The following ZC3H12B variants were observed in gnomAD, a reference collection of about 807,000 sequenced individuals.
ZC3H12B encodes zinc finger CCCH-type containing 12B.
A neutral mutation model predicts 43.9 loss-of-function variants in ZC3H12B; 7 were observed. The ratio of observed to expected loss-of-function variants is 0.16; its 90% CI spans 0.09 to 0.30. The LOEUF (loss-of-function observed/expected upper bound fraction) is 0.30, where lower values mean the gene tolerates loss of function less well. Among genes scored for constraint, ZC3H12B ranks in the 10% least tolerant of loss-of-function variants. The pLI is 1.00. For missense variants in ZC3H12B, 475 were observed against 670.2 expected (o/e 0.71, Z 3.22); for synonymous variants, 222 against 241.7 (o/e 0.92, Z 0.76).
the ZC3H12B span, among the ~76,000 whole-genome samples, chrX:65,119,981 G>C: frequency 2.7e-5 from 3 of 111,334 alleles, no homozygotes; most frequent in African/African-American, 9.8e-5. Flanking sequence ...ATTTCTGAGG[G>C]CTCTGTTCAG....
the ZC3H12B span, among the ~76,000 whole-genome samples, chrX:65,264,827 G>C: frequency 1.8e-5 from 2 of 111,617 alleles, no homozygotes; most frequent in African/African-American, 6.5e-5. Flanking sequence ...TTGTGATCAG[G>C]TTAGGATCAT....
chrX:65,453,359 C>CATATATATATAT (rs1159840122), intron 3 of ZC3H12B, among the ~76,000 whole-genome samples: 4 of 27,175 alleles, frequency 1.5e-4, no homozygotes, highest in Non-Finnish European at 2.6e-4. Flanking sequence ...AGCTCAAATG[C>CATATATATATAT]ATATATATAT....
chrX:65,154,082 G>A, the ZC3H12B span, among the ~76,000 whole-genome samples: 1 of 110,810 alleles, frequency 9.0e-6, no homozygotes, highest in Non-Finnish European at 1.9e-5. Flanking sequence ...GACTGTTGTG[G>A]GGTGGGAGGA....
chrX:65,063,394 C>T, the ZC3H12B span, among the ~76,000 whole-genome samples: 1 of 111,825 alleles, frequency 8.9e-6, no homozygotes, highest in Non-Finnish European at 1.9e-5. Context: ...TTATTGAAGG[C>T]TGTTTGTGCA....
At chrX:65,103,314 A>G in the ZC3H12B span, among the ~76,000 whole-genome samples, 11 of 112,031 alleles carry the variant, frequency 9.8e-5, no homozygotes, top group Non-Finnish European at 1.9e-4. Context: ...GAAGAGAAAT[A>G]TGGCTCTGTT....
At chrX:65,466,850 C>T (rs1409196542) in intron 3 of ZC3H12B, among the ~76,000 whole-genome samples, 4 of 84,767 alleles carry the variant, frequency 4.7e-5, no homozygotes, top group Admixed American at 2.8e-4. Context: ...ACTTCTTGGG[C>T]ATTTGTATTT....
rs2067806791 is a variant in ZC3H12B, at chrX:65,465,567, C to T, written n.408-23079C>T. Among the ~76,000 whole-genome samples the T allele has an allele frequency of 9.0e-5, 10 of 110,658 alleles. No homozygotes were observed. In the South Asian group the frequency reaches 3.7e-3, roughly 41 times the overall value. On this transcript the variant is annotated intron_variant and non_coding_transcript_variant, in intron 3 of 5. Transcript: ENST00000617377. ...TTTAATTCATTCTTCCAATTTGTGT[C>T]TTTTAATTGGAGAGTTTAATTCATT...
the ZC3H12B span, among the ~76,000 whole-genome samples, chrX:65,317,417 G>C: frequency 9.1e-6 from 1 of 110,417 alleles, no homozygotes; most frequent in South Asian, 3.9e-4. Context: ...GGAAACAGGT[G>C]GTCTTTGGTT....
chrX:65,103,326 C>T, the ZC3H12B span, among the ~76,000 whole-genome samples: 34 of 111,861 alleles, frequency 3.0e-4, 1 homozygote, highest in African/African-American at 4.2e-4. Context: ...GGCTCTGTTC[C>T]GCCCGGCTCT....
At chrX:65,289,876 A>G in the ZC3H12B span, among the ~76,000 whole-genome samples, 4 of 110,951 alleles carry the variant, frequency 3.6e-5, no homozygotes, top group Non-Finnish European at 7.6e-5. Context: ...AAACTATAAT[A>G]CTATTAGAAG....
chrX:65,078,003 A>C, the ZC3H12B span, among the ~76,000 whole-genome samples: 1 of 112,089 alleles, frequency 8.9e-6, no homozygotes, highest in East Asian at 2.8e-4. Flanking sequence ...GAGATTCTGG[A>C]TATATATTAA....
the ZC3H12B span, among the ~76,000 whole-genome samples, chrX:65,313,787 A>C: frequency 8.9e-6 from 1 of 112,070 alleles, no homozygotes; most frequent in Non-Finnish European, 1.9e-5. Context: ...CATAGAAAGA[A>C]CCAGTAAAAT....
intron 1 of ZC3H12B, among the ~76,000 whole-genome samples, chrX:65,367,884 G>A (rs190564782): frequency 9.1e-6 from 1 of 110,456 alleles, no homozygotes. Flanking sequence ...GGCCTGATTT[G>A]GAGTTTGGAA....
the ZC3H12B span, among the ~76,000 whole-genome samples, chrX:65,339,695 A>C: frequency 9.1e-6 from 1 of 110,474 alleles, no homozygotes; most frequent in South Asian, 3.9e-4. Flanking sequence ...GTTTCCTGGG[A>C]CCCCAGCCTG....
the ZC3H12B span, among the ~76,000 whole-genome samples, chrX:65,282,256 C>A: frequency 9.1e-6 from 1 of 110,077 alleles, no homozygotes; most frequent in African/African-American, 3.3e-5. Flanking sequence ...TCAAAGACAG[C>A]CTGGGCAACA....
chrX:65,169,562 C>T, the ZC3H12B span, among the ~76,000 whole-genome samples: 1 of 111,496 alleles, frequency 9.0e-6, no homozygotes, highest in Non-Finnish European at 1.9e-5. Context: ...GCTTAGTGCA[C>T]AGCTGAGTTC....
chrX:65,064,968 G>C, the ZC3H12B span, among the ~76,000 whole-genome samples: 1 of 110,333 alleles, frequency 9.1e-6, no homozygotes, highest in Non-Finnish European at 1.9e-5. Flanking sequence ...TGCAACTCCT[G>C]CTTTTTTTTT....
chrX:65,047,019 G>A, the ZC3H12B span, among the ~76,000 whole-genome samples: 1 of 110,384 alleles, frequency 9.1e-6, no homozygotes, highest in African/African-American at 3.3e-5. Flanking sequence ...AATTACAATA[G>A]TAACATCAGA....
At chrX:65,304,184 A>G in the ZC3H12B span, among the ~76,000 whole-genome samples, 1 of 112,242 alleles carries the variant, frequency 8.9e-6, no homozygotes, top group Non-Finnish European at 1.9e-5. Flanking sequence ...ATAGATGAAT[A>G]AATCAAAGGA....
Sources: allele counts gnomAD v4.1 joint callset (sites outside exome capture counted in the v4.1 genomes callset), GRCh38; gene constraint gnomAD v4.1.1; transcripts MANE v1.5; gene names NCBI Gene and HGNC (gene_info 2026-07-23, HGNC 2026-07-21).